The following XKR6 variants were observed in gnomAD, a reference collection of about 807,000 sequenced individuals.
XKR6 encodes the protein XK-related protein 6.
Under a neutral mutation model 56.7 loss-of-function variants are expected in XKR6, and 22 were observed. That is an observed-to-expected ratio of 0.39 (90% confidence interval 0.28 to 0.55). The LOEUF is 0.55. XKR6 is among the 20% of genes least tolerant of loss of function. XKR6 has a pLI of 0.66. For synonymous variants in XKR6, 524 were observed against 387.8 expected (o/e 1.35, Z -4.13); for missense variants, 852 against 889.0 (o/e 0.96, Z 0.53).
chr8:11,011,338 G>T (rs1455219204), intron 1 of XKR6, among the ~76,000 whole-genome samples: 1 of 152,240 alleles, frequency 6.6e-6, no homozygotes, highest in East Asian at 1.9e-4. Context: ...TCCCGGGGGA[G>T]GTGGCATCCT....
chr8:10,991,892 G>A (rs1219558397), intron 1 of XKR6, among the ~76,000 whole-genome samples: 1 of 152,162 alleles, frequency 6.6e-6, no homozygotes, highest in Non-Finnish European at 1.5e-5. Flanking sequence ...CAGGAAATGG[G>A]TAAAGCCTAC....
chr8:10,942,174 A>T (rs1212374993), intron 1 of XKR6, among the ~76,000 whole-genome samples: 3 of 152,122 alleles, frequency 2.0e-5, no homozygotes. Context: ...AACATACCAC[A>T]CACAGTTGCA....
intron 1 of XKR6, among the ~76,000 whole-genome samples, chr8:11,162,952 C>A (rs910452101): frequency 6.6e-6 from 1 of 152,162 alleles, no homozygotes; most frequent in Non-Finnish European, 1.5e-5. Flanking sequence ...TCTAGCTAAT[C>A]GTTTTGGACC....
At chr8:10,939,430 A>G (rs1216823593) in intron 1 of XKR6, among the ~76,000 whole-genome samples, 1 of 152,208 alleles carries the variant, frequency 6.6e-6, no homozygotes, top group Admixed American at 6.5e-5. Context: ...CCAGGATTTA[A>G]GGGACAGCTG....
chr8:11,097,012 C>T (rs145866708), intron 1 of XKR6, among the ~76,000 whole-genome samples: 112 of 152,274 alleles, frequency 7.4e-4, no homozygotes, highest in African/African-American at 2.7e-3. Flanking sequence ...TCAATCAATG[C>T]CACTGAGTTC....
intron 1 of XKR6, among the ~76,000 whole-genome samples, chr8:11,180,378 G>T (rs904206183): frequency 6.6e-6 from 1 of 152,146 alleles, no homozygotes; most frequent in East Asian, 1.9e-4. Flanking sequence ...AATTCTTTGT[G>T]GTGAGAGCCT....
intron 1 of XKR6, among the ~76,000 whole-genome samples, chr8:10,949,743 G>T (rs1227421013): frequency 6.6e-6 from 1 of 152,202 alleles, no homozygotes; most frequent in Non-Finnish European, 1.5e-5. Flanking sequence ...ACTATGCTGT[G>T]CCCAAAGCAT....
intron 1 of XKR6, among the ~76,000 whole-genome samples, chr8:11,172,448 C>T (rs1311960665): frequency 1.3e-5 from 2 of 152,152 alleles, no homozygotes; most frequent in African/African-American, 4.8e-5. Flanking sequence ...CACCAAGGTA[C>T]ATAACGTTAT....
intron 1 of XKR6, among the ~76,000 whole-genome samples, chr8:11,139,705 G>A (rs1186055556): frequency 6.6e-6 from 1 of 152,160 alleles, no homozygotes; most frequent in Non-Finnish European, 1.5e-5. Flanking sequence ...GGGGAAGCAG[G>A]AAACCTGTAC....
intron 2 of XKR6, among the ~76,000 whole-genome samples, chr8:10,915,270 T>A (rs1269868955): frequency 6.6e-6 from 1 of 152,236 alleles, no homozygotes; most frequent in African/African-American, 2.4e-5. Context: ...AGTAGGTGAT[T>A]AGGGAAGTTA....
At chr8:10,945,537 T>C (rs1302144987) in intron 1 of XKR6, among the ~76,000 whole-genome samples, 2 of 152,216 alleles carry the variant, frequency 1.3e-5, no homozygotes, top group Non-Finnish European at 2.9e-5. Flanking sequence ...ACCCATGTAT[T>C]GGAGAAATGT....
intron 1 of XKR6, among the ~76,000 whole-genome samples, chr8:10,949,309 C>T (rs1801647908): frequency 6.6e-6 from 1 of 152,250 alleles, no homozygotes; most frequent in Admixed American, 6.5e-5. Flanking sequence ...AACTGCCCTG[C>T]AGGGAGAAGG....
intron 1 of XKR6, among the ~76,000 whole-genome samples, chr8:10,990,587 T>C (rs1797968035): frequency 6.6e-6 from 1 of 152,090 alleles, no homozygotes; most frequent in Non-Finnish European, 1.5e-5. Flanking sequence ...TTTGTTGTTG[T>C]TGTTGTTGTT....
intron 1 of XKR6, among the ~76,000 whole-genome samples, chr8:11,098,986 T>A (rs999674616): frequency 6.6e-6 from 1 of 152,180 alleles, no homozygotes; most frequent in Admixed American, 6.5e-5. Context: ...AGAATTTTCT[T>A]TATGGGTATA....
At position 10,897,620 on chromosome 8, in the gene XKR6, A is replaced by G. The variant is rs1799921009; in HGVS notation, c.*332T>C. The G allele has an allele frequency of 4.6e-6, 1 of 215,960 alleles. No individual in the cohort carries two copies. 13.4% of individuals were successfully genotyped at this position (215,960 alleles called of 1,614,324 possible). On this transcript the variant is annotated 3_prime_UTR_variant, in exon 3 of 3. Coordinates refer to ENST00000416569, the MANE Select transcript of XKR6 (RefSeq NM_173683.4). ...TTTTTTTTTCTTTTGGAGTGGAGATAACTCCTCCTTCTCCACCCTATGAAC... is the reference window on the plus strand; with the variant it reads ...TTTTTTTTTCTTTTGGAGTGGAGATGACTCCTCCTTCTCCACCCTATGAAC...
At chr8:11,187,418 A>G (rs17152978) in intron 1 of XKR6, among the ~76,000 whole-genome samples, 9,101 of 152,230 alleles carry the variant, frequency 0.06, 305 homozygotes, top group Middle Eastern at 0.088. Context: ...ACCATCGCTG[A>G]TTCAAAAACA....
intron 1 of XKR6, among the ~76,000 whole-genome samples, chr8:11,084,768 T>C (rs578238993): frequency 5.3e-5 from 8 of 152,312 alleles, no homozygotes; most frequent in South Asian, 2.1e-4. Context: ...TCAGAGAAGG[T>C]TCTCCATACT....
chr8:11,147,340 T>C (rs1801034513), intron 1 of XKR6, among the ~76,000 whole-genome samples: 1 of 152,158 alleles, frequency 6.6e-6, no homozygotes, highest in South Asian at 2.1e-4. Flanking sequence ...AACATGTGCA[T>C]GAAATCTCAA....
rs139052193 is a variant in XKR6, at chr8:11,046,891, G to A, written c.765-122061C>T. On this transcript the variant is annotated intron_variant, in intron 1 of 2. Transcript: ENST00000416569. ...ACATTATGCTAAGTGAAATAAACCAGGCACAGAAAGACAAATACTACATGA... is the reference window on the plus strand; with the variant it reads ...ACATTATGCTAAGTGAAATAAACCAAGCACAGAAAGACAAATACTACATGA... Among the ~76,000 whole-genome samples, 357 of 152,250 alleles carry A rather than the reference G, an allele frequency of 2.3e-3. 1 individual carries two copies. Among genetic ancestry groups the A allele is most frequent in the Admixed American group, 5.8e-3 (89 of 15,280 alleles).
Sources: allele counts gnomAD v4.1 joint callset (sites outside exome capture counted in the v4.1 genomes callset), GRCh38; gene constraint gnomAD v4.1.1; transcripts MANE v1.5; gene names NCBI Gene and HGNC (gene_info 2026-07-23, HGNC 2026-07-21).